The following PTPRD variants were observed in gnomAD, a reference collection of about 807,000 sequenced individuals.
The protein encoded by PTPRD is receptor-type tyrosine-protein phosphatase delta.
PTPRD carries 34 observed loss-of-function variants against 214.5 expected under a neutral mutation model. The ratio of observed to expected loss-of-function variants is 0.16; its 90% CI spans 0.12 to 0.21. PTPRD has a LOEUF of 0.21. PTPRD is among the 10% of genes least tolerant of loss of function. The probability of loss-of-function intolerance (pLI) is 1.00; values close to 1 mark genes in which losing one functional copy is unlikely to be tolerated. For missense variants in PTPRD, 2,545 were observed against 2,398.7 expected (o/e 1.06, Z -1.27); for synonymous variants, 1,128 against 845.7 (o/e 1.33, Z -5.79).
intron 6 of PTPRD, among the ~76,000 whole-genome samples, chr9:9,746,552 A>C (rs1027340265): frequency 1.3e-5 from 2 of 152,206 alleles, no homozygotes; most frequent in African/African-American, 4.8e-5. Flanking sequence ...AAATTGTTTC[A>C]CGTAAATATT....
intron 4 of PTPRD, among the ~76,000 whole-genome samples, chr9:9,978,059 G>C (rs558501348): frequency 6.6e-5 from 10 of 152,030 alleles, no homozygotes; most frequent in Admixed American, 3.9e-4. Flanking sequence ...AAGTCCATCA[G>C]ATAGCTGATA....
intron 2 of PTPRD, among the ~76,000 whole-genome samples, chr9:10,390,998 T>C (rs1460149848): frequency 6.6e-6 from 1 of 151,844 alleles, no homozygotes; most frequent in South Asian, 2.1e-4. Context: ...CCCTTGACTT[T>C]ACAATGGAGG....
chr9:9,165,379 C>G (rs1218646854), intron 10 of PTPRD, among the ~76,000 whole-genome samples: 1 of 152,168 alleles, frequency 6.6e-6, no homozygotes, highest in East Asian at 1.9e-4. Context: ...AGAATTAGGT[C>G]TTCTCCGGAG....
chr9:8,924,993 T>C (rs977859365), intron 11 of PTPRD, among the ~76,000 whole-genome samples: 1 of 152,148 alleles, frequency 6.6e-6, no homozygotes, highest in Non-Finnish European at 1.5e-5. Flanking sequence ...TGGTCCCATA[T>C]GTTATATTCC....
Position 8,659,172 on chromosome 9 carries a change from T to C in PTPRD, c.65-22328A>G, listed in dbSNP as rs185910378. ...GGGCATGATAATTATGCCTCTCAGA[T>C]GCATATCCACATTTTTGCTAGCCAT... On this transcript the variant is annotated intron_variant, in intron 12 of 45. Coordinates refer to ENST00000381196, the MANE Select transcript of PTPRD (RefSeq NM_002839.4). Among the ~76,000 whole-genome samples the C allele has an allele frequency of 2.2e-4, 34 of 152,310 alleles. No individual in the cohort carries two copies. The East Asian group carries it at 6.0e-3, about 27-fold the overall frequency.
At chr9:9,974,217 C>A (rs554231713) in intron 4 of PTPRD, among the ~76,000 whole-genome samples, 1 of 152,104 alleles carries the variant, frequency 6.6e-6, no homozygotes, top group Non-Finnish European at 1.5e-5. Flanking sequence ...GATTACATAG[C>A]CTCAGTGTTT....
chr9:9,091,163 G>A (rs942263144), intron 10 of PTPRD: 23 of 1,546,612 alleles, frequency 1.5e-5, no homozygotes, highest in East Asian at 9.0e-5. Flanking sequence ...AATCGATCTC[G>A]TGAAGTCCGC....
chr9:8,991,068 A>T (rs1468011703), intron 11 of PTPRD, among the ~76,000 whole-genome samples: 1 of 151,506 alleles, frequency 6.6e-6, no homozygotes, highest in Non-Finnish European at 1.5e-5. Context: ...TAAAAAAAAA[A>T]ATTAGCCAGG....
chr9:10,071,795 A>G (rs1567491230), intron 3 of PTPRD, among the ~76,000 whole-genome samples: 1 of 152,036 alleles, frequency 6.6e-6, no homozygotes, highest in Non-Finnish European at 1.5e-5. Context: ...TCAGGGAAAA[A>G]AAACAGAGAT....
intron 7 of PTPRD, among the ~76,000 whole-genome samples, chr9:9,665,135 G>T (rs1047720379): frequency 6.6e-6 from 1 of 151,450 alleles, no homozygotes; most frequent in African/African-American, 2.4e-5. Flanking sequence ...AGAGAGAGAG[G>T]GGTGAGGAAT....
intron 9 of PTPRD, among the ~76,000 whole-genome samples, chr9:9,277,048 T>C (rs1215058420): frequency 6.6e-6 from 1 of 151,404 alleles, no homozygotes; most frequent in African/African-American, 2.4e-5. Flanking sequence ...ATCTAGTACA[T>C]GCTCTTTTAC....
chr9:8,985,801 G>A (rs1474893626), intron 11 of PTPRD, among the ~76,000 whole-genome samples: 2 of 151,970 alleles, frequency 1.3e-5, no homozygotes, highest in Admixed American at 6.6e-5. Flanking sequence ...GGTTAATGAA[G>A]TTATTGAATG....
At chr9:9,783,000 G>A (rs1439617075) in intron 5 of PTPRD, among the ~76,000 whole-genome samples, 1 of 152,088 alleles carries the variant, frequency 6.6e-6, no homozygotes, top group East Asian at 1.9e-4. Context: ...ATACATGAAA[G>A]TAACCAAATC....
chr9:10,121,217 A>G (rs920114928), intron 3 of PTPRD, among the ~76,000 whole-genome samples: 8 of 152,194 alleles, frequency 5.3e-5, no homozygotes, highest in Non-Finnish European at 1.2e-4. Context: ...TGCCAAATTT[A>G]TAGAGACTGT....
intron 12 of PTPRD, among the ~76,000 whole-genome samples, chr9:8,666,957 T>A (rs1792135083): frequency 6.6e-6 from 1 of 152,230 alleles, no homozygotes; most frequent in Non-Finnish European, 1.5e-5. Flanking sequence ...ACACAAGCAT[T>A]GTGGCTTGTG....
intron 7 of PTPRD, among the ~76,000 whole-genome samples, chr9:9,694,889 A>G (rs1474264655): frequency 6.6e-6 from 1 of 152,180 alleles, no homozygotes; most frequent in East Asian, 1.9e-4. Flanking sequence ...GGTCAGGTCC[A>G]GAAATGCCGT....
At chr9:10,610,434 G>A (rs144532420) in intron 2 of PTPRD, among the ~76,000 whole-genome samples, 3 of 152,064 alleles carry the variant, frequency 2.0e-5, no homozygotes, top group African/African-American at 7.2e-5. Context: ...ACTAATATAT[G>A]TAATAACATG....
intron 11 of PTPRD, among the ~76,000 whole-genome samples, chr9:8,906,999 A>G (rs1040682214): frequency 6.6e-6 from 1 of 152,274 alleles, no homozygotes; most frequent in East Asian, 1.9e-4. Context: ...AGTAAAAGTT[A>G]GGACAGAATT....
chr9:9,487,545 G>A (rs1287454796), intron 8 of PTPRD, among the ~76,000 whole-genome samples: 2 of 143,290 alleles, frequency 1.4e-5, no homozygotes, highest in Non-Finnish European at 3.0e-5. Context: ...CTTTATAGCA[G>A]CATGATTCAT....
Sources: gnomAD v4.1 joint callset for allele counts (sites outside exome capture counted in the v4.1 genomes callset) on GRCh38, gnomAD v4.1.1 for gene constraint, MANE v1.5 for transcripts, NCBI Gene and HGNC (gene_info 2026-07-23, HGNC 2026-07-21) for gene names.